The following DGKI variants were observed in gnomAD, a reference collection of about 807,000 sequenced individuals.
The protein encoded by DGKI is DAG kinase iota.
Under a neutral mutation model 147.5 loss-of-function variants are expected in DGKI, and 55 were observed. The observed-to-expected ratio is 0.37, with a 90% CI of 0.30 to 0.47. The LOEUF (loss-of-function observed/expected upper bound fraction) is 0.47. Ranked by LOEUF, DGKI falls within the 20% of genes least tolerant of loss-of-function variation. The pLI, the probability that DGKI is intolerant of heterozygous loss-of-function variation, is 1.00. For missense variants in DGKI, 1,007 were observed against 1,323.8 expected (o/e 0.76, Z 3.71); for synonymous variants, 469 against 477.1 (o/e 0.98, Z 0.22).
intron 21 of DGKI, among the ~76,000 whole-genome samples, chr7:137,492,884 C>A (rs547157231): frequency 6.6e-6 from 1 of 152,172 alleles, no homozygotes; most frequent in East Asian, 1.9e-4. Context: ...ATAGCTCCTG[C>A]GCTGGCTGAC....
intron 3 of DGKI, among the ~76,000 whole-genome samples, chr7:137,670,274 T>C (rs1023501943): frequency 6.6e-6 from 1 of 152,206 alleles, no homozygotes; most frequent in Non-Finnish European, 1.5e-5. Context: ...ATCCCTTGGC[T>C]TCATAGCCTA....
chr7:137,793,184 G>A (rs1247362150), intron 1 of DGKI, among the ~76,000 whole-genome samples: 1 of 152,026 alleles, frequency 6.6e-6, no homozygotes, highest in African/African-American at 2.4e-5. Flanking sequence ...CCTCTGTCCT[G>A]ACATTACCTT....
chr7:137,810,883 C>G (rs1197803200), intron 1 of DGKI, among the ~76,000 whole-genome samples: 1 of 152,176 alleles, frequency 6.6e-6, no homozygotes, highest in Non-Finnish European at 1.5e-5. Context: ...AGTACACCTA[C>G]CATGCGCCAG....
At chr7:137,681,618 GA>G (rs1474946547) in intron 2 of DGKI, among the ~76,000 whole-genome samples, 2 of 152,192 alleles carry the variant, frequency 1.3e-5, no homozygotes, top group African/African-American at 2.4e-5. Flanking sequence ...TTAATCAATG[GA>G]GAAAAATCTA....
At chr7:137,680,378 T>A (rs963147387) in intron 2 of DGKI, among the ~76,000 whole-genome samples, 1 of 152,224 alleles carries the variant, frequency 6.6e-6, no homozygotes, top group African/African-American at 2.4e-5. Flanking sequence ...AGAATAATCA[T>A]GTAATGAAAA....
At chr7:137,743,622 C>T (rs2116718291) in intron 1 of DGKI, among the ~76,000 whole-genome samples, 1 of 152,166 alleles carries the variant, frequency 6.6e-6, no homozygotes, top group African/African-American at 2.4e-5. Context: ...ACGTCTACAT[C>T]AAGAAGATAG....
intron 29 of DGKI, among the ~76,000 whole-genome samples, chr7:137,409,760 T>G (rs1812092213): frequency 6.6e-6 from 1 of 152,188 alleles, no homozygotes; most frequent in African/African-American, 2.4e-5. Flanking sequence ...CTAGACACCA[T>G]GAACATTCAG....
chr7:137,592,677 G>A (rs1819658595), intron 12 of DGKI, among the ~76,000 whole-genome samples: 1 of 152,172 alleles, frequency 6.6e-6, no homozygotes, highest in Non-Finnish European at 1.5e-5. Context: ...GAAATCAAAG[G>A]AAAACAAGAG....
At chr7:137,663,219 T>G (rs2116304587) in intron 3 of DGKI, among the ~76,000 whole-genome samples, 1 of 152,290 alleles carries the variant, frequency 6.6e-6, no homozygotes, top group African/African-American at 2.4e-5. Context: ...GCTTCTGTCC[T>G]TGCAAGAGCT....
chr7:137,654,755 C>T lies in DGKI; in HGVS notation c.715G>A (p.Gly239Arg). 1 of 1,609,052 alleles carries T rather than the reference C, an allele frequency of 6.2e-7. No homozygotes were observed. Reference sequence around the variant, plus strand: ...ACTTCTCTTGGTGACCTTGAGCCTCCTTCTCGAAATGTTGGTTTACATCTG... The same window carrying T: ...ACTTCTCTTGGTGACCTTGAGCCTCTTTCTCGAAATGTTGGTTTACATCTG... ...NFRCKPTFREGGSRSPRENFV... is the reference protein window; with the variant it reads ...NFRCKPTFRERGSRSPRENFV... Residue 239 changes from glycine to arginine, a missense_variant, in exon 5 of 33, where the codon GGA (glycine) becomes AGA (arginine). By Grantham distance (125) the Gly-to-Arg change is moderately radical. This residue lies in a region of DGKI where 259 missense variants were observed against 362.5 expected (regional missense o/e 0.71). Transcript: ENST00000614521.
chr7:137,797,075 T>C (rs1797056325), intron 1 of DGKI, among the ~76,000 whole-genome samples: 1 of 152,068 alleles, frequency 6.6e-6, no homozygotes, highest in African/African-American at 2.4e-5. Context: ...AAAAATAATA[T>C]GCCAGCAATC....
At position 137,719,815 on chromosome 7, in the gene DGKI, T is replaced by C. The variant is rs147196592; in HGVS notation, c.402-29813A>G. On this transcript the variant is annotated intron_variant, in intron 1 of 32. Coordinates refer to ENST00000614521, the MANE Select transcript of DGKI (RefSeq NM_001321708.2). ...ATCCACGTAATGCCAATAGTAAATT[T>C]TACCACTGCAACTATAAACTAATTC... Among the ~76,000 whole-genome samples, 229 of 152,280 alleles carry C rather than the reference T, an allele frequency of 1.5e-3. 1 individual carries two copies. Among genetic ancestry groups the C allele is most frequent in the African/African-American group, 5.4e-3 (223 of 41,548 alleles).
Position 137,814,859 on chromosome 7 carries a change from G to A in DGKI, c.401+31603C>T, listed in dbSNP as rs565319486. Among the ~76,000 whole-genome samples, 126 of 152,182 alleles carry A rather than the reference G, an allele frequency of 8.3e-4. No individual in the cohort carries two copies. The Middle Eastern group carries it at 0.021, about 25-fold the overall frequency. On this transcript the variant is annotated intron_variant, in intron 1 of 32. Coordinates refer to ENST00000614521, the MANE Select transcript of DGKI (RefSeq NM_001321708.2). ...ATATTTTAAAACAAAAAAATGGTAC[G>A]CTGGTTTTAGGTCAAAAAGGCAGAT...
intron 10 of DGKI, among the ~76,000 whole-genome samples, chr7:137,602,273 A>G (rs1585274351): frequency 6.6e-6 from 1 of 152,312 alleles, no homozygotes; most frequent in East Asian, 1.9e-4. Flanking sequence ...CCATTATGCA[A>G]ATATTAATAG....
At chr7:137,585,150 TC>T in intron 14 of DGKI, 58 bp downstream of exon 14, 1 of 1,592,768 alleles carries the variant, frequency 6.3e-7, no homozygotes, top group Non-Finnish European at 8.6e-7. Context: ...GGATTTTTTT[TC>T]CTGTAGCTCA....
chr7:137,588,577 C>T (rs556803171), intron 12 of DGKI, among the ~76,000 whole-genome samples: 7 of 151,212 alleles, frequency 4.6e-5, no homozygotes, highest in South Asian at 2.1e-4. Flanking sequence ...CCTGGGTTCA[C>T]GCCATTCTCC....
At chr7:137,766,934 C>A (rs1299744549) in intron 1 of DGKI, among the ~76,000 whole-genome samples, 1 of 152,214 alleles carries the variant, frequency 6.6e-6, no homozygotes, top group African/African-American at 2.4e-5. Context: ...AAGGGAAAAG[C>A]TTCCAGATGC....
intron 19 of DGKI, among the ~76,000 whole-genome samples, chr7:137,560,269 T>C (rs1818375076): frequency 6.6e-6 from 1 of 152,156 alleles, no homozygotes; most frequent in African/African-American, 2.4e-5. Context: ...AATTACCGTA[T>C]CTGAAAAACA....
intron 1 of DGKI, among the ~76,000 whole-genome samples, chr7:137,814,307 G>C (rs2117011047): frequency 6.6e-6 from 1 of 152,190 alleles, no homozygotes; most frequent in Non-Finnish European, 1.5e-5. Flanking sequence ...ATAAAGTAAA[G>C]AAATGCCAAA....
Sources: allele counts gnomAD v4.1 joint callset (sites outside exome capture counted in the v4.1 genomes callset), GRCh38; gene constraint gnomAD v4.1.1; regional missense constraint gnomAD v4.1.1; transcripts MANE v1.5; gene names NCBI Gene and HGNC (gene_info 2026-07-23, HGNC 2026-07-21).